The following ARFGEF2 variants were observed in gnomAD, a reference collection of about 807,000 sequenced individuals.
ARFGEF2 encodes ARF guanine nucleotide exchange factor 2.
ARFGEF2 carries 74 observed loss-of-function variants against 219.9 expected under a neutral mutation model. The observed-to-expected ratio is 0.34, with a 90% CI of 0.28 to 0.41. ARFGEF2 has a LOEUF of 0.41. Ranked by LOEUF, ARFGEF2 falls within the 10% of genes least tolerant of loss-of-function variation. ARFGEF2 has a pLI of 1.00. For synonymous variants in ARFGEF2, 733 were observed against 799.2 expected (o/e 0.92, Z 1.40); for missense variants, 1,743 against 2,218.3 (o/e 0.79, Z 4.30).
In ARFGEF2 at chr20:48,995,859, G is replaced by A; in HGVS notation, c.3198G>A (p.Gln1066=). 2 of 1,614,214 alleles carry A rather than the reference G, an allele frequency of 1.2e-6. No individual in the cohort carries two copies. The highest frequency in any genetic ancestry group is 1.7e-6 in the Non-Finnish European group (2 of 1,180,034). ...FQESVGETSS[Q]SVVVAVDRIF... ...AATCGGTTGGTGAGACCAGCTCGCA[G>A]AGTGTGGTTGTAGCTGTGGACAGGT... The change falls in exon 23 of 39, where the codon CAG becomes CAA. Residue 1066 remains glutamine, a synonymous_variant. Transcript: ENST00000371917.
rs1426831575 is a variant in ARFGEF2 at position 49,035,755 on chromosome 20, T to C, written c.*2556T>C. On this transcript the variant is annotated 3_prime_UTR_variant, in exon 39 of 39. Coordinates refer to ENST00000371917, the MANE Select transcript of ARFGEF2 (RefSeq NM_006420.3). ...CTAGAGAAGTTTTTATTTGTTACAA[T>C]ACTGCTGCTTTGAGCAATTTTGTTT... 3 of 154,174 alleles carry C rather than the reference T, an allele frequency of 1.9e-5. No homozygotes were observed. The highest frequency in any genetic ancestry group is 7.2e-5 in the African/African-American group (3 of 41,552). The allele number at this position is 154,174 out of a possible 1,614,324, so 9.6% of individuals were successfully genotyped here.
At chr20:49,004,795 A>AAAT (rs774678562) in intron 25 of ARFGEF2, among the ~76,000 whole-genome samples, 8 of 152,114 alleles carry the variant, frequency 5.3e-5, no homozygotes, top group South Asian at 4.1e-4. Flanking sequence ...CCATCTTAGA[A>AAAT]AATAATAATA....
intron 25 of ARFGEF2, among the ~76,000 whole-genome samples, chr20:49,002,570 C>T (rs1009562483): frequency 2.6e-5 from 4 of 152,068 alleles, no homozygotes; most frequent in African/African-American, 4.8e-5. Flanking sequence ...TGTGTTGTAG[C>T]GTGTATCAGA....
chr20:48,937,706 G>C (rs2090967555), intron 1 of ARFGEF2, among the ~76,000 whole-genome samples: 1 of 152,234 alleles, frequency 6.6e-6, no homozygotes, highest in African/African-American at 2.4e-5. Context: ...TACTCTTCCA[G>C]GTAGCAACTC....
At chr20:48,990,185 A>AAAT (rs953296128) in intron 20 of ARFGEF2, among the ~76,000 whole-genome samples, 7 of 152,116 alleles carry the variant, frequency 4.6e-5, no homozygotes, top group Admixed American at 1.3e-4. Context: ...ATCTCAAAGA[A>AAAT]AATAATAATA....
intron 1 of ARFGEF2, among the ~76,000 whole-genome samples, chr20:48,930,842 G>A (rs1303050926): frequency 6.6e-6 from 1 of 152,200 alleles, no homozygotes; most frequent in Non-Finnish European, 1.5e-5. Context: ...AGGAGGCCTG[G>A]GCCTGAGAAC....
At chr20:48,952,630 A>G (rs1422648505) in intron 4 of ARFGEF2, 75 bp from the exon 5 acceptor site, 1 of 1,439,942 alleles carries the variant, frequency 6.9e-7, no homozygotes, top group Non-Finnish European at 9.8e-7. Flanking sequence ...CAGACCCTCT[A>G]GAAAAGTGTG....
At chr20:48,967,742 A>G (rs1021758912) in intron 8 of ARFGEF2, among the ~76,000 whole-genome samples, 2 of 152,180 alleles carry the variant, frequency 1.3e-5, no homozygotes, top group South Asian at 2.1e-4. Flanking sequence ...TAATCTCTCA[A>G]TACCCATTTT....
rs568515602 is a variant in ARFGEF2 at position 49,002,970 on chromosome 20, T to A, written c.3433-2100T>A. On this transcript the variant is annotated intron_variant, in intron 25 of 38. Transcript: ENST00000371917. ...CCAATTTTTATTTTTTTAACTTTTT[T>A]TTTTTTTTTTTTTTTAGAGACGGAT... 1.9e-3 allele frequency among the ~76,000 whole-genome samples: 278 copies of A among 146,812 alleles called. 2 individuals carry two copies. The highest frequency in any genetic ancestry group is 3.5e-3 in the Middle Eastern group (1 of 286).
In ARFGEF2 at chr20:48,951,205, G is replaced by A. The variant is rs1600602833; in HGVS notation, c.277-118G>A. The A allele has an allele frequency of 8.7e-6, 11 of 1,260,962 alleles. No homozygotes were observed. The South Asian group carries it at 1.0e-4, about 12-fold the overall frequency. The allele number at this position is 1,260,962 out of a possible 1,614,324, so 78.1% of individuals were successfully genotyped here. A position where few individuals can be genotyped will look rare whatever the true frequency, so the allele number is the denominator to read the frequency against. ...AGTGGTTATGCCTGCCTGGCTCCTG[G>A]GGAGCAGAGGACTCTGTAGGAACTG... On this transcript the variant is annotated intron_variant, in intron 3 of 38. Transcript: ENST00000371917.
chr20:48,998,159 C>A, intron 23 of ARFGEF2, 34 bp from the exon 24 acceptor site: 1 of 1,609,650 alleles, frequency 6.2e-7, no homozygotes, highest in Non-Finnish European at 8.5e-7. Flanking sequence ...CACACCCGGT[C>A]TAATGTTTAT....
At chr20:49,009,597 T>G (rs986694448) in intron 26 of ARFGEF2, among the ~76,000 whole-genome samples, 4 of 152,228 alleles carry the variant, frequency 2.6e-5, no homozygotes, top group Non-Finnish European at 5.9e-5. Flanking sequence ...ATTGTATGTC[T>G]TAACAGGTTG....
chr20:49,023,540 T>G (rs1406270219), intron 35 of ARFGEF2, among the ~76,000 whole-genome samples: 2 of 150,596 alleles, frequency 1.3e-5, no homozygotes, highest in African/African-American at 4.9e-5. Flanking sequence ...TTTTTTTGTT[T>G]TTTTTTTTGT....
intron 26 of ARFGEF2, among the ~76,000 whole-genome samples, chr20:49,008,224 G>A (rs908134003): frequency 6.6e-6 from 1 of 152,224 alleles, no homozygotes; most frequent in Non-Finnish European, 1.5e-5. Context: ...TAAAGTAAAT[G>A]TTGGTACCGG....
At chr20:48,975,800 C>CAAAAAAAAAAAAAAAAAAA (rs1057511883) in intron 13 of ARFGEF2, among the ~76,000 whole-genome samples, 2 of 112,204 alleles carry the variant, frequency 1.8e-5, no homozygotes, top group Admixed American at 9.7e-5. Flanking sequence ...GACTCCATCT[C>CAAAAAAAAAAAAAAAAAAA]AAAAAAAAAA....
At chr20:49,027,944 A>G (rs757395913) in intron 36 of ARFGEF2, among the ~76,000 whole-genome samples, 1 of 152,130 alleles carries the variant, frequency 6.6e-6, no homozygotes, top group Non-Finnish European at 1.5e-5. Flanking sequence ...CCAGGGCCAC[A>G]TAGTAAAACC....
At chr20:48,960,633 G>T (rs1181088518) in intron 6 of ARFGEF2, among the ~76,000 whole-genome samples, 1 of 151,570 alleles carries the variant, frequency 6.6e-6, no homozygotes, top group South Asian at 2.1e-4. Flanking sequence ...ACAGGTGCCC[G>T]CTACCACACC....
At chr20:48,961,666 C>G (rs960526757) in intron 6 of ARFGEF2, among the ~76,000 whole-genome samples, 5 of 152,058 alleles carry the variant, frequency 3.3e-5, no homozygotes, top group African/African-American at 1.2e-4. Context: ...GAGTTTGAGG[C>G]CAGCCTGGCC....
intron 1 of ARFGEF2, among the ~76,000 whole-genome samples, chr20:48,935,979 C>A (rs1470046819): frequency 6.0e-5 from 6 of 99,364 alleles, no homozygotes; most frequent in African/African-American, 2.6e-4. Flanking sequence ...CCGGACGGGG[C>A]GGCTGGCCGG....
Sources: gnomAD v4.1 joint callset for allele counts (sites outside exome capture counted in the v4.1 genomes callset) on GRCh38, gnomAD v4.1.1 for gene constraint, MANE v1.5 for transcripts, NCBI Gene and HGNC (gene_info 2026-07-23, HGNC 2026-07-21) for gene names.